Variants in TMEFF1 observed in about 807,000 individuals in gnomAD.
TMEFF1 encodes the protein tomoregulin-1.
Under a neutral mutation model 47.5 loss-of-function variants are expected in TMEFF1, and 20 were observed. The ratio of observed to expected loss-of-function variants is 0.42; its 90% CI spans 0.30 to 0.61. The LOEUF (loss-of-function observed/expected upper bound fraction) is 0.61, where lower values mean the gene tolerates loss of function less well. Among genes scored for constraint, TMEFF1 ranks in the 20% least tolerant of loss-of-function variants. The pLI, the probability that TMEFF1 is intolerant of heterozygous loss-of-function variation, is 0.19. For synonymous variants in TMEFF1, 162 were observed against 166.3 expected (o/e 0.97, Z 0.20); for missense variants, 411 against 471.1 (o/e 0.87, Z 1.18).
chr9:100,508,894 C>G (rs1403844081), intron 2 of TMEFF1, 111 bp from the exon 3 acceptor site: 52 of 1,124,180 alleles, frequency 4.6e-5, no homozygotes, highest in Non-Finnish European at 5.9e-5. Flanking sequence ...AAACCCCAGA[C>G]TATTCAGTAG....
chr9:100,510,486 A>G (rs1023217062), intron 3 of TMEFF1, among the ~76,000 whole-genome samples: 1 of 152,048 alleles, frequency 6.6e-6, no homozygotes, highest in South Asian at 2.1e-4. Context: ...TTTTTTCTTT[A>G]TGAGACTGCA....
chr9:100,506,428 C>A (rs1837862576), intron 2 of TMEFF1, among the ~76,000 whole-genome samples: 2 of 151,798 alleles, frequency 1.3e-5, no homozygotes, highest in African/African-American at 4.8e-5. Flanking sequence ...TTATTTAAAA[C>A]ATTTACAGTT....
intron 8 of TMEFF1, among the ~76,000 whole-genome samples, chr9:100,570,215 A>G (rs1049229182): frequency 2.0e-5 from 3 of 152,244 alleles, no homozygotes; most frequent in South Asian, 2.1e-4. Flanking sequence ...TATCTTAGCT[A>G]TTGTGAATAA....
chr9:100,522,562 A>G (rs1179091390), intron 5 of TMEFF1, among the ~76,000 whole-genome samples: 1 of 143,506 alleles, frequency 7.0e-6, no homozygotes, highest in Non-Finnish European at 1.5e-5. Flanking sequence ...TCAGCCTCCC[A>G]AGGAGCTGGG....
chr9:100,568,595 T>C (rs201042682), intron 8 of TMEFF1, among the ~76,000 whole-genome samples: 1 of 149,630 alleles, frequency 6.7e-6, no homozygotes, highest in Non-Finnish European at 1.5e-5. Context: ...TCCCTCCCTC[T>C]CTTCCTTCCT....
intron 5 of TMEFF1, among the ~76,000 whole-genome samples, chr9:100,519,224 A>G (rs1286560567): frequency 6.6e-6 from 1 of 152,022 alleles, no homozygotes; most frequent in Non-Finnish European, 1.5e-5. Context: ...CCTGACCAAC[A>G]TGATGAAAAC....
intron 1 of TMEFF1, among the ~76,000 whole-genome samples, chr9:100,481,384 A>G (rs905872481): frequency 2.6e-5 from 4 of 152,252 alleles, no homozygotes; most frequent in Admixed American, 2.6e-4. Flanking sequence ...CTGAATGAAC[A>G]TAGAAGCTGA....
At chr9:100,513,867 A>G (rs1351913795) in intron 4 of TMEFF1, among the ~76,000 whole-genome samples, 1 of 151,818 alleles carries the variant, frequency 6.6e-6, no homozygotes, top group Non-Finnish European at 1.5e-5. Flanking sequence ...TTGCCCAACA[A>G]CTCTCGTGGA....
chr9:100,483,353 C>T lies in TMEFF1; in HGVS notation c.196+9613C>T, dbSNP rs147895463. On this transcript the variant is annotated intron_variant, in intron 1 of 9. Coordinates refer to ENST00000374879, the MANE Select transcript of TMEFF1 (RefSeq NM_003692.5). ...CTCTATTAAAAATACAAAAATTAGC[C>T]GGGCATGGTGGCGCATGCCTGTAAT... Among the ~76,000 whole-genome samples the T allele has an allele frequency of 1.2e-3, 185 of 152,128 alleles. 1 individual carries two copies. Among genetic ancestry groups the T allele is most frequent in the African/African-American group, 4.4e-3 (181 of 41,528 alleles).
At chr9:100,541,327 CATG>C (rs1838622467) in intron 5 of TMEFF1, among the ~76,000 whole-genome samples, 1 of 147,164 alleles carries the variant, frequency 6.8e-6, no homozygotes, top group Non-Finnish European at 1.5e-5. Context: ...TAAACCCTAT[CATG>C]GTGGATTTGG....
chr9:100,547,275 C>T (rs577907883), intron 5 of TMEFF1, among the ~76,000 whole-genome samples: 7 of 152,112 alleles, frequency 4.6e-5, no homozygotes, highest in East Asian at 3.9e-4. Flanking sequence ...CTTGGCCTCC[C>T]GAAGTGTTGG....
In TMEFF1 at chr9:100,572,442, G is replaced by A. The variant is rs913289695; in HGVS notation, c.900-76G>A. 6 of 1,404,868 alleles carry A rather than the reference G, an allele frequency of 4.3e-6. No individual in the cohort carries two copies. The African/African-American group carries it at 5.8e-5, about 14-fold the overall frequency. 87.0% of individuals were successfully genotyped at this position (1,404,868 alleles called of 1,614,324 possible). ...CCTGTTTAAATTTTATTACTATTTTGTATTTTTTAATGTAAAAGCTTGGGA... is the reference window on the plus strand; with the variant it reads ...CCTGTTTAAATTTTATTACTATTTTATATTTTTTAATGTAAAAGCTTGGGA... On this transcript the variant is annotated intron_variant, in intron 8 of 9. Coordinates refer to ENST00000374879, the MANE Select transcript of TMEFF1 (RefSeq NM_003692.5).
At chr9:100,486,039 CT>C (rs71498744) in intron 1 of TMEFF1, among the ~76,000 whole-genome samples, 221 of 140,330 alleles carry the variant, frequency 1.6e-3, no homozygotes, top group Non-Finnish European at 1.7e-3. Flanking sequence ...TTCTCTCTCT[CT>C]TTTTTTTTTT....
At chr9:100,493,311 T>A (rs1837590786) in intron 1 of TMEFF1, among the ~76,000 whole-genome samples, 1 of 152,178 alleles carries the variant, frequency 6.6e-6, no homozygotes, top group Non-Finnish European at 1.5e-5. Flanking sequence ...TCCTTTTGGC[T>A]CTCCGTGAGT....
chr9:100,476,223 A>G (rs1837225170), intron 1 of TMEFF1, among the ~76,000 whole-genome samples: 1 of 152,170 alleles, frequency 6.6e-6, no homozygotes, highest in African/African-American at 2.4e-5. Context: ...ACTTTTTAGG[A>G]TGAAGATTTG....
chr9:100,519,409 A>G (rs187449812), intron 5 of TMEFF1, among the ~76,000 whole-genome samples: 38 of 142,686 alleles, frequency 2.7e-4, no homozygotes, highest in African/African-American at 8.5e-4. Context: ...TCCATCTCAA[A>G]AGACTAAATA....
chr9:100,503,662 A>AG (rs1837807615), intron 2 of TMEFF1, among the ~76,000 whole-genome samples: 1 of 152,072 alleles, frequency 6.6e-6, no homozygotes, highest in Non-Finnish European at 1.5e-5. Context: ...TCTGTATACT[A>AG]GCCCAGGAAA....
At chr9:100,546,481 A>C (rs1838734747) in intron 5 of TMEFF1, among the ~76,000 whole-genome samples, 1 of 150,178 alleles carries the variant, frequency 6.7e-6, no homozygotes, top group African/African-American at 2.5e-5. Flanking sequence ...GGGAGTTACT[A>C]TTCAAGATGA....
At chr9:100,568,852 A>G (rs1320000421) in intron 8 of TMEFF1, among the ~76,000 whole-genome samples, 1 of 152,020 alleles carries the variant, frequency 6.6e-6, no homozygotes, top group Non-Finnish European at 1.5e-5. Flanking sequence ...GCTTTTTTTA[A>G]CTTAGCGTAA....
Sources: allele counts gnomAD v4.1 joint callset (sites outside exome capture counted in the v4.1 genomes callset), GRCh38; gene constraint gnomAD v4.1.1; transcripts MANE v1.5; gene names NCBI Gene and HGNC (gene_info 2026-07-23, HGNC 2026-07-21).